Variants in RTL4 observed in about 807,000 individuals in gnomAD.
RTL4 encodes retrotransposon Gag-like protein 4.
A neutral mutation model predicts 5.3 loss-of-function variants in RTL4; 4 were observed. That is an observed-to-expected ratio of 0.75 (90% confidence interval 0.37 to 1.72). The LOEUF is 1.72. RTL4 is among the 40% of genes most tolerant of loss of function. The pLI is 0.04. For synonymous variants in RTL4, 98 were observed against 87.3 expected (o/e 1.12, Z -0.68); for missense variants, 260 against 227.1 (o/e 1.14, Z -0.93).
the RTL4 span, among the ~76,000 whole-genome samples, chrX:112,327,739 T>C: frequency 9.0e-6 from 1 of 110,639 alleles, no homozygotes; most frequent in South Asian, 3.9e-4. Flanking sequence ...GGAAAAAATG[T>C]TAAGGGCAGC....
At chrX:112,344,686 C>CA in the RTL4 span, among the ~76,000 whole-genome samples, 1 of 112,139 alleles carries the variant, frequency 8.9e-6, no homozygotes. Context: ...TAAACCATAT[C>CA]AAGTGCCATT....
the RTL4 span, among the ~76,000 whole-genome samples, chrX:112,150,817 TGGA>T: frequency 8.9e-6 from 1 of 112,148 alleles, no homozygotes; most frequent in African/African-American, 3.2e-5. Context: ...ATGTAGGACA[TGGA>T]GAACTATGAG....
the RTL4 span, among the ~76,000 whole-genome samples, chrX:112,372,242 G>A: frequency 0.011 from 1,251 of 110,971 alleles, 21 homozygotes; most frequent in African/African-American, 0.039. Context: ...GTGTTCTAGT[G>A]TACTCAGTTT....
At chrX:112,328,809 T>G in the RTL4 span, among the ~76,000 whole-genome samples, 1 of 111,661 alleles carries the variant, frequency 9.0e-6, no homozygotes, top group African/African-American at 3.3e-5. Flanking sequence ...ACAAACTATC[T>G]CTCAGACCAC....
the RTL4 span, among the ~76,000 whole-genome samples, chrX:112,356,901 T>C: frequency 9.0e-6 from 1 of 111,630 alleles, no homozygotes; most frequent in Non-Finnish European, 1.9e-5. Context: ...ACCAAGATTA[T>C]GTGAACAATT....
the RTL4 span, among the ~76,000 whole-genome samples, chrX:112,206,219 T>C: frequency 9.0e-6 from 1 of 111,589 alleles, no homozygotes; most frequent in Non-Finnish European, 1.9e-5. Context: ...AAAAGATGTT[T>C]ATTTGCAATG....
the RTL4 span, among the ~76,000 whole-genome samples, chrX:112,166,204 T>C: frequency 3.6e-5 from 4 of 112,128 alleles, no homozygotes; most frequent in Non-Finnish European, 5.6e-5. Flanking sequence ...AGTCCACTAA[T>C]TGGGAATGTA....
chrX:112,349,537 A>C, the RTL4 span, among the ~76,000 whole-genome samples: 89 of 105,294 alleles, frequency 8.5e-4, no homozygotes, highest in East Asian at 7.4e-3. Flanking sequence ...CTTTTATTTC[A>C]TTGAGCAGTG....
At chrX:112,284,275 T>C in the RTL4 span, among the ~76,000 whole-genome samples, 8 of 109,670 alleles carry the variant, frequency 7.3e-5, no homozygotes, top group African/African-American at 2.6e-4. Flanking sequence ...AATACAAATG[T>C]TTGATGTGAT....
At chrX:112,091,305 G>T in the RTL4 span, among the ~76,000 whole-genome samples, 1 of 111,088 alleles carries the variant, frequency 9.0e-6, no homozygotes, top group East Asian at 2.8e-4. Context: ...GGTTTAATTT[G>T]TTCTATTACT....
At chrX:112,379,177 G>T in the RTL4 span, among the ~76,000 whole-genome samples, 1 of 112,508 alleles carries the variant, frequency 8.9e-6, no homozygotes, top group East Asian at 2.8e-4. Flanking sequence ...GAAGTTGCTA[G>T]CCTGATAGAG....
chrX:112,248,825 C>G, the RTL4 span, among the ~76,000 whole-genome samples: 1 of 111,909 alleles, frequency 8.9e-6, no homozygotes, highest in Non-Finnish European at 1.9e-5. Context: ...GGGCCTACAG[C>G]AATAAGTATC....
chrX:112,203,697 T>A, the RTL4 span, among the ~76,000 whole-genome samples: 5 of 111,906 alleles, frequency 4.5e-5, no homozygotes, highest in Non-Finnish European at 9.4e-5. Flanking sequence ...GAGTGATTCC[T>A]CCCACTTTAT....
the RTL4 span, among the ~76,000 whole-genome samples, chrX:112,356,587 T>TGA: frequency 4.1e-3 from 450 of 109,688 alleles, 1 homozygote; most frequent in African/African-American, 0.014. Flanking sequence ...GGGGTGTGTG[T>TGA]GTGTGTGTGT....
the RTL4 span, among the ~76,000 whole-genome samples, chrX:112,268,115 G>T: frequency 0.015 from 1,642 of 111,572 alleles, 34 homozygotes; most frequent in African/African-American, 0.05. Context: ...TGGCCTTCAA[G>T]ATCCTACCTA....
chrX:112,169,520 A>C, the RTL4 span, among the ~76,000 whole-genome samples: 2 of 111,306 alleles, frequency 1.8e-5, no homozygotes, highest in African/African-American at 6.5e-5. Flanking sequence ...ATATTTCTGT[A>C]GAATCTTGGT....
the RTL4 span, among the ~76,000 whole-genome samples, chrX:112,443,961 C>A: frequency 9.0e-6 from 1 of 111,543 alleles, no homozygotes; most frequent in Non-Finnish European, 1.9e-5. Context: ...CCACACTTGT[C>A]CATTTTTGCT....
At chrX:112,342,928 C>T in the RTL4 span, among the ~76,000 whole-genome samples, 1 of 111,275 alleles carries the variant, frequency 9.0e-6, no homozygotes, top group Non-Finnish European at 1.9e-5. Flanking sequence ...GGTGAAACCC[C>T]GTCTCTACTA....
chrX:112,252,920 G>A, the RTL4 span, among the ~76,000 whole-genome samples: 2 of 110,908 alleles, frequency 1.8e-5, no homozygotes, highest in Middle Eastern at 4.2e-3. Flanking sequence ...TGCTAATGAG[G>A]GCTAACAGTT....
Sources: gnomAD v4.1 joint callset for allele counts (sites outside exome capture counted in the v4.1 genomes callset) on GRCh38, gnomAD v4.1.1 for gene constraint, MANE v1.5 for transcripts, NCBI Gene and HGNC (gene_info 2026-07-23, HGNC 2026-07-21) for gene names.